Variants in LHFPL3 observed in about 807,000 individuals in gnomAD.
LHFPL3 encodes the protein LHFPL tetraspan subfamily member 3 protein.
In LHFPL3, 5 loss-of-function variants were observed where a neutral mutation model predicts 19.3. That is an observed-to-expected ratio of 0.26 (90% CI 0.14 to 0.54). The LOEUF is 0.54. Among genes scored for constraint, LHFPL3 ranks in the 20% least tolerant of loss-of-function variants. The pLI is 0.94. For missense variants in LHFPL3, 249 were observed against 307.4 expected (o/e 0.81, Z 1.42); for synonymous variants, 133 against 126.2 (o/e 1.05, Z -0.36).
chr7:104,714,051 GTTC>G (rs745669718), intron 1 of LHFPL3, among the ~76,000 whole-genome samples: 13 of 152,142 alleles, frequency 8.5e-5, no homozygotes, highest in Non-Finnish European at 1.8e-4. Context: ...ATCACGCATT[GTTC>G]TTCTTTAGAT....
chr7:104,491,302 T>C (rs1229454760), intron 1 of LHFPL3, among the ~76,000 whole-genome samples: 3 of 152,154 alleles, frequency 2.0e-5, no homozygotes, highest in African/African-American at 4.8e-5. Context: ...GGGCAAGCTT[T>C]AGGGAATTTA....
intron 1 of LHFPL3, among the ~76,000 whole-genome samples, chr7:104,730,971 C>T (rs1161630866): frequency 2.0e-5 from 3 of 152,148 alleles, no homozygotes; most frequent in African/African-American, 7.2e-5. Context: ...TATGGCTAGC[C>T]AGTTTTCCCA....
chr7:104,434,438 C>T (rs531626872), intron 1 of LHFPL3, among the ~76,000 whole-genome samples: 1 of 152,198 alleles, frequency 6.6e-6, no homozygotes, highest in East Asian at 1.9e-4. Flanking sequence ...GCATCGCTTA[C>T]ACCTTTGAAG....
At position 104,603,002 on chromosome 7, in the gene LHFPL3, T is replaced by G. The variant is rs568190005; in HGVS notation, c.446-133673T>G. Among the ~76,000 whole-genome samples, 19 of 152,336 alleles carry G rather than the reference T, an allele frequency of 1.2e-4. No homozygotes were observed. The South Asian group carries it at 3.7e-3, about 30-fold the overall frequency. On this transcript the variant is annotated intron_variant, in intron 1 of 2. Coordinates refer to ENST00000424859, the MANE Select transcript of LHFPL3 (RefSeq NM_199000.3). Reference sequence around the variant, plus strand: ...GAGCCATCATGACCTAATCGCCTCTTAAAGGTTCCACCTCTCAACACTGTT... The same window carrying G: ...GAGCCATCATGACCTAATCGCCTCTGAAAGGTTCCACCTCTCAACACTGTT...
intron 1 of LHFPL3, among the ~76,000 whole-genome samples, chr7:104,565,902 C>T (rs1790114905): frequency 6.6e-6 from 1 of 152,114 alleles, no homozygotes; most frequent in Admixed American, 6.5e-5. Context: ...TAAGTGATGA[C>T]TGTGATTATA....
At chr7:104,666,670 C>T (rs1403261335) in intron 1 of LHFPL3, among the ~76,000 whole-genome samples, 3 of 149,386 alleles carry the variant, frequency 2.0e-5, no homozygotes, top group Admixed American at 1.3e-4. Context: ...TACAGGCGCC[C>T]GCCACTACGC....
intron 1 of LHFPL3, among the ~76,000 whole-genome samples, chr7:104,723,168 C>G (rs941384554): frequency 2.6e-5 from 4 of 152,180 alleles, no homozygotes; most frequent in Non-Finnish European, 4.4e-5. Flanking sequence ...ATTAGTGGCT[C>G]TGGGGAACCA....
intron 2 of LHFPL3, among the ~76,000 whole-genome samples, chr7:104,769,615 C>T (rs932723403): frequency 4.7e-5 from 7 of 150,344 alleles, no homozygotes; most frequent in Non-Finnish European, 7.4e-5. Context: ...TTTAGCCCCC[C>T]CAACCCCCGA....
intron 1 of LHFPL3, among the ~76,000 whole-genome samples, chr7:104,615,522 T>A (rs760548344): frequency 1.3e-5 from 2 of 152,154 alleles, no homozygotes; most frequent in Non-Finnish European, 2.9e-5. Context: ...ATTCGGTGAT[T>A]CAGCTGCATT....
chr7:104,793,691 T>C (rs1488565910), intron 2 of LHFPL3, among the ~76,000 whole-genome samples: 1 of 152,216 alleles, frequency 6.6e-6, no homozygotes, highest in Non-Finnish European at 1.5e-5. Context: ...AACTTAACTC[T>C]AGTAGCCTTG....
chr7:104,516,948 T>C (rs1793932354), intron 1 of LHFPL3, among the ~76,000 whole-genome samples: 1 of 152,156 alleles, frequency 6.6e-6, no homozygotes, highest in Non-Finnish European at 1.5e-5. Context: ...ATATACACCA[T>C]GGAATACTAT....
intron 1 of LHFPL3, among the ~76,000 whole-genome samples, chr7:104,627,727 G>T (rs1791572603): frequency 6.6e-6 from 1 of 152,152 alleles, no homozygotes; most frequent in South Asian, 2.1e-4. Flanking sequence ...ATTAGTAGAG[G>T]TTCAGCACCG....
chr7:104,455,961 ATTATT>A (rs969270393), intron 1 of LHFPL3, among the ~76,000 whole-genome samples: 2 of 151,836 alleles, frequency 1.3e-5, no homozygotes, highest in African/African-American at 4.8e-5. Context: ...AGTTTTTAAA[ATTATT>A]TTTTTCTGAT....
intron 1 of LHFPL3, among the ~76,000 whole-genome samples, chr7:104,560,036 G>A (rs1370689147): frequency 6.7e-6 from 1 of 148,510 alleles, no homozygotes; most frequent in Non-Finnish European, 1.5e-5. Flanking sequence ...AAGCCCACTT[G>A]ATCATGGTGG....
chr7:104,569,698 G>A (rs983649014), intron 1 of LHFPL3, among the ~76,000 whole-genome samples: 1 of 152,062 alleles, frequency 6.6e-6, no homozygotes, highest in African/African-American at 2.4e-5. Flanking sequence ...AATGTTCAGT[G>A]GTGGCTATTA....
intron 2 of LHFPL3, among the ~76,000 whole-genome samples, chr7:104,881,001 T>C (rs1792043021): frequency 6.6e-6 from 1 of 151,974 alleles, no homozygotes; most frequent in South Asian, 2.1e-4. Flanking sequence ...AAACCCCATC[T>C]CTACTGAAAA....
At chr7:104,748,924 A>G (rs963700191) in intron 2 of LHFPL3, among the ~76,000 whole-genome samples, 2 of 152,154 alleles carry the variant, frequency 1.3e-5, no homozygotes, top group Non-Finnish European at 2.9e-5. Flanking sequence ...GATCTATTCT[A>G]TTTATTTGCG....
At chr7:104,772,319 T>TTTAA (rs1341757225) in intron 2 of LHFPL3, among the ~76,000 whole-genome samples, 1 of 152,212 alleles carries the variant, frequency 6.6e-6, no homozygotes, top group African/African-American at 2.4e-5. Flanking sequence ...CCAAAAACCT[T>TTTAA]TTAATTAGTT....
At chr7:104,852,716 G>T (rs1436229523) in intron 2 of LHFPL3, among the ~76,000 whole-genome samples, 1 of 152,230 alleles carries the variant, frequency 6.6e-6, no homozygotes, top group African/African-American at 2.4e-5. Context: ...CCCCAGTCTT[G>T]ACATTGTTAA....
Sources: allele counts gnomAD v4.1 joint callset (sites outside exome capture counted in the v4.1 genomes callset), GRCh38; gene constraint gnomAD v4.1.1; transcripts MANE v1.5; gene names NCBI Gene and HGNC (gene_info 2026-07-23, HGNC 2026-07-21).